Variants in HCN1 observed in about 807,000 individuals in gnomAD.
The protein encoded by HCN1 is potassium/sodium hyperpolarization-activated cyclic nucleotide-gated channel 1.
HCN1 carries 13 observed loss-of-function variants against 78.9 expected under a neutral mutation model. The observed-to-expected ratio is 0.16, with a 90% CI of 0.11 to 0.26. The LOEUF (loss-of-function observed/expected upper bound fraction) is 0.26. Ranked by LOEUF, HCN1 falls within the 10% of genes least tolerant of loss-of-function variation. HCN1 has a pLI of 1.00. For synonymous variants in HCN1, 552 were observed against 455.5 expected, an observed-to-expected ratio of 1.21 and a Z score of -2.70; for missense variants, 810 against 1,154.3, an observed-to-expected ratio of 0.70 and a Z score of 4.32.
chr5:45,568,082 G>A (rs1007269989), intron 2 of HCN1, among the ~76,000 whole-genome samples: 8 of 151,920 alleles, frequency 5.3e-5, no homozygotes, highest in Admixed American at 3.3e-4. Flanking sequence ...GTGCAGCCAG[G>A]ATTTTTGTTT....
intron 1 of HCN1, among the ~76,000 whole-genome samples, chr5:45,678,932 G>A (rs1412652461): frequency 6.6e-6 from 1 of 151,938 alleles, no homozygotes; most frequent in Non-Finnish European, 1.5e-5. Flanking sequence ...AACTACAAAT[G>A]AAGCTCCCAG....
intron 2 of HCN1, among the ~76,000 whole-genome samples, chr5:45,550,271 G>T (rs1364385797): frequency 1.3e-5 from 2 of 152,098 alleles, no homozygotes; most frequent in Admixed American, 1.3e-4. Context: ...TGATAGACTG[G>T]ATTAAGAAAA....
chr5:45,603,782 T>A (rs1168467354), intron 2 of HCN1, among the ~76,000 whole-genome samples: 1 of 152,086 alleles, frequency 6.6e-6, no homozygotes, highest in East Asian at 1.9e-4. Flanking sequence ...TATAGATTTT[T>A]AAAATATGAC....
intron 5 of HCN1, among the ~76,000 whole-genome samples, chr5:45,328,899 C>T (rs1232769102): frequency 5.9e-5 from 9 of 151,560 alleles, no homozygotes; most frequent in Non-Finnish European, 1.2e-4. Context: ...ACAGTCTACA[C>T]ACTTCAAGAC....
chr5:45,588,678 C>G (rs1744292835), intron 2 of HCN1, among the ~76,000 whole-genome samples: 1 of 152,148 alleles, frequency 6.6e-6, no homozygotes. Context: ...AGGAGTCACC[C>G]CCTCCAGGAG....
chr5:45,375,371 T>C (rs1747602276), intron 4 of HCN1, among the ~76,000 whole-genome samples: 1 of 125,760 alleles, frequency 8.0e-6, no homozygotes, highest in African/African-American at 3.0e-5. Context: ...TGATATACAA[T>C]ATATATAATA....
chr5:45,377,706 A>G (rs1278872970), intron 4 of HCN1, among the ~76,000 whole-genome samples: 1 of 151,988 alleles, frequency 6.6e-6, no homozygotes, highest in Non-Finnish European at 1.5e-5. Flanking sequence ...CGGTTTTGTG[A>G]CTGACCTACT....
intron 2 of HCN1, among the ~76,000 whole-genome samples, chr5:45,540,710 C>T (rs925077556): frequency 6.6e-6 from 1 of 151,940 alleles, no homozygotes; most frequent in Non-Finnish European, 1.5e-5. Flanking sequence ...TAGCACATTT[C>T]CTTTATTGTT....
chr5:45,555,341 T>G (rs1743448770), intron 2 of HCN1, among the ~76,000 whole-genome samples: 1 of 151,348 alleles, frequency 6.6e-6, no homozygotes, highest in African/African-American at 2.4e-5. Flanking sequence ...ACCAAAGAAG[T>G]GAAAAAATCT....
At chr5:45,312,354 T>C (rs1396297421) in intron 5 of HCN1, among the ~76,000 whole-genome samples, 3 of 152,210 alleles carry the variant, frequency 2.0e-5, no homozygotes, top group Non-Finnish European at 4.4e-5. Context: ...ACGATGTCTA[T>C]TTATTTTAGA....
intron 2 of HCN1, among the ~76,000 whole-genome samples, chr5:45,468,389 G>A (rs1741322812): frequency 6.6e-6 from 1 of 152,014 alleles, no homozygotes; most frequent in Non-Finnish European, 1.5e-5. Flanking sequence ...TAATCCAGGT[G>A]TTCCTTTAAT....
At chr5:45,525,988 G>C (rs1183373997) in intron 2 of HCN1, among the ~76,000 whole-genome samples, 1 of 151,908 alleles carries the variant, frequency 6.6e-6, no homozygotes, top group Non-Finnish European at 1.5e-5. Context: ...CTTTCCACCA[G>C]GTGAGAATAC....
intron 5 of HCN1, among the ~76,000 whole-genome samples, chr5:45,312,469 T>C (rs1233292015): frequency 6.6e-6 from 1 of 152,124 alleles, no homozygotes; most frequent in Non-Finnish European, 1.5e-5. Context: ...TTTCTGCATT[T>C]CCAACTGAGG....
intron 2 of HCN1, among the ~76,000 whole-genome samples, chr5:45,511,801 A>G (rs962419196): frequency 2.6e-5 from 4 of 152,064 alleles, no homozygotes; most frequent in Non-Finnish European, 5.9e-5. Flanking sequence ...GAATAAAAGT[A>G]TGAGCTTCAG....
chr5:45,320,311 C>A (rs1746098264), intron 5 of HCN1, among the ~76,000 whole-genome samples: 1 of 151,754 alleles, frequency 6.6e-6, no homozygotes, highest in South Asian at 2.1e-4. Flanking sequence ...CCCATTTTTT[C>A]TTTCCAATTC....
intron 1 of HCN1, among the ~76,000 whole-genome samples, chr5:45,681,479 G>T (rs904532897): frequency 2.6e-5 from 4 of 151,636 alleles, no homozygotes; most frequent in African/African-American, 9.7e-5. Context: ...ATTTACACAA[G>T]GGCTAATTTA....
At chr5:45,525,711 C>A (rs899673562) in intron 2 of HCN1, among the ~76,000 whole-genome samples, 1 of 151,990 alleles carries the variant, frequency 6.6e-6, no homozygotes, top group Non-Finnish European at 1.5e-5. Flanking sequence ...CCCCAGTCTA[C>A]AGAATTAGTC....
At chr5:45,500,678 C>T (rs764824588) in intron 2 of HCN1, among the ~76,000 whole-genome samples, 5 of 152,054 alleles carry the variant, frequency 3.3e-5, no homozygotes, top group Admixed American at 6.5e-5. Context: ...AACCCTTATC[C>T]GTCAGCATGG....
At chr5:45,512,935 C>G (rs546615193) in intron 2 of HCN1, among the ~76,000 whole-genome samples, 1 of 151,992 alleles carries the variant, frequency 6.6e-6, no homozygotes, top group African/African-American at 2.4e-5. Flanking sequence ...TTTATCAACG[C>G]CCATTTACTA....
Sources: allele counts gnomAD v4.1 joint callset (sites outside exome capture counted in the v4.1 genomes callset), GRCh38; gene constraint gnomAD v4.1.1; transcripts MANE v1.5; gene names NCBI Gene and HGNC (gene_info 2026-07-23, HGNC 2026-07-21).